The following LGR5 variants were observed in gnomAD, a reference collection of about 807,000 sequenced individuals.
The protein encoded by LGR5 is leucine-rich repeat-containing G protein-coupled receptor 5.
Under a neutral mutation model 76.7 loss-of-function variants are expected in LGR5, and 54 were observed. That is an observed-to-expected ratio of 0.70 (90% CI 0.57 to 0.88). LGR5 has a LOEUF of 0.88. LGR5 is among the 40% of genes least tolerant of loss of function. LGR5 has a pLI of 0.00. For synonymous variants in LGR5, 406 were observed against 421.9 expected, an observed-to-expected ratio of 0.96 and a Z score of 0.46; for missense variants, 1,078 against 1,073.3, an observed-to-expected ratio of 1.00 and a Z score of -0.06.
intron 8 of LGR5, 41 bp from the exon 9 acceptor site, chr12:71,566,363 T>C (rs1343726600): frequency 7.6e-7 from 1 of 1,319,942 alleles, no homozygotes; most frequent in Non-Finnish European, 1.1e-6. Flanking sequence ...ATCTTTCAAA[T>C]TTTATACTAA....
At chr12:71,573,633 G>GGTA (rs557077266) in intron 13 of LGR5, among the ~76,000 whole-genome samples, 15 of 152,082 alleles carry the variant, frequency 9.9e-5, no homozygotes, top group Non-Finnish European at 2.2e-4. Context: ...GGTGATGATA[G>GGTA]GTAATGTTTA....
chr12:71,485,459 G>A (rs1050901963), intron 1 of LGR5, among the ~76,000 whole-genome samples: 3 of 152,206 alleles, frequency 2.0e-5, no homozygotes, highest in Non-Finnish European at 2.9e-5. Context: ...GCTCATGCCT[G>A]TAATCCCAGG....
intron 1 of LGR5, among the ~76,000 whole-genome samples, chr12:71,476,612 C>T (rs961686729): frequency 9.2e-5 from 14 of 152,138 alleles, no homozygotes; most frequent in African/African-American, 3.4e-4. Flanking sequence ...TCGTTGATGG[C>T]ATCTTGACAC....
intron 16 of LGR5, among the ~76,000 whole-genome samples, chr12:71,581,357 A>C (rs143335776): frequency 6.6e-6 from 1 of 152,254 alleles, no homozygotes; most frequent in African/African-American, 2.4e-5. Context: ...CTCTCAAACC[A>C]CACCTGTGGT....
rs1877584253 is a variant in LGR5, at chr12:71,553,232, C to T, written c.588C>T (p.Asn196=). The T allele has an allele frequency of 1.2e-6, 2 of 1,613,850 alleles. No individual in the cohort carries two copies. Among genetic ancestry groups the T allele is most frequent in the African/African-American group, 1.3e-5 (1 of 74,866 alleles). The change falls in exon 5 of 18, where the codon AAC becomes AAT. Residue 196 remains asparagine, a synonymous_variant. Coordinates refer to ENST00000266674, the MANE Select transcript of LGR5 (RefSeq NM_003667.4). ...SALQAMTLAL[N]KIHHIPDYAF... is the part of the protein sequence containing the mutation. ...TGCAAGCCATGACCTTGGCCCTGAA[C>T]AAAATACACCACATACCAGACTATG...
chr12:71,474,012 A>G (rs551165657), intron 1 of LGR5, among the ~76,000 whole-genome samples: 1 of 152,230 alleles, frequency 6.6e-6, no homozygotes, highest in South Asian at 2.1e-4. Context: ...ATGCACTAAA[A>G]TCTCTTCAAA....
chr12:71,561,913 G>A, intron 8 of LGR5, 61 bp downstream of exon 8: 1 of 951,146 alleles, frequency 1.1e-6, no homozygotes. Context: ...ATTATACTTT[G>A]AAATACAATG....
intron 8 of LGR5, among the ~76,000 whole-genome samples, chr12:71,566,070 T>A (rs1187387556): frequency 6.6e-6 from 1 of 152,106 alleles, no homozygotes; most frequent in Non-Finnish European, 1.5e-5. Flanking sequence ...GAATTACCTT[T>A]TTGCCACTCA....
At chr12:71,558,398 G>T (rs1320159793) in intron 6 of LGR5, among the ~76,000 whole-genome samples, 1 of 151,866 alleles carries the variant, frequency 6.6e-6, no homozygotes, top group Non-Finnish European at 1.5e-5. Flanking sequence ...GAGTCTTATT[G>T]TCTCCCCTTC....
rs567797178 is a variant in LGR5, at chr12:71,525,694, A to G, written c.356+1217A>G. ...AATCAAGTATTTTAATTCACTTAAC[A>G]AAGTGTATATTGGATATATAAGCCA... is the stretch of plus-strand genomic sequence containing the variant. On this transcript the variant is annotated intron_variant, in intron 3 of 17. Coordinates refer to ENST00000266674, the MANE Select transcript of LGR5 (RefSeq NM_003667.4). Among the ~76,000 whole-genome samples the G allele has an allele frequency of 3.9e-5, 6 of 151,916 alleles. No individual in the cohort carries two copies. The South Asian group carries it at 1.2e-3, about 31-fold the overall frequency.
rs111572541 is a variant in LGR5, at chr12:71,504,610, C to G, written c.213-4C>G. ...CCTCACACGCTGTCTGTTTTCCCCC[C>G]CAGAGACCTCAGTATGAACAACATC... On this transcript the variant is annotated splice_region_variant and splice_polypyrimidine_tract_variant and intron_variant, in intron 1 of 17. Coordinates refer to ENST00000266674, the MANE Select transcript of LGR5 (RefSeq NM_003667.4). 296 of 1,613,724 alleles carry G rather than the reference C, an allele frequency of 1.8e-4. No homozygotes were observed. The highest frequency in any genetic ancestry group is 2.3e-4 in the Non-Finnish European group (268 of 1,179,678).
At chr12:71,538,286 G>C (rs1472742588) in intron 4 of LGR5, among the ~76,000 whole-genome samples, 2 of 152,176 alleles carry the variant, frequency 1.3e-5, no homozygotes, top group Non-Finnish European at 2.9e-5. Context: ...GCTGAAGTGG[G>C]AGGATCACTT....
intron 1 of LGR5, among the ~76,000 whole-genome samples, chr12:71,447,770 C>T (rs1872070668): frequency 1.3e-5 from 2 of 152,178 alleles, no homozygotes; most frequent in African/African-American, 4.8e-5. Flanking sequence ...AAGGGCCGAC[C>T]CTTTACAAGG....
At chr12:71,487,483 T>C (rs1317684658) in intron 1 of LGR5, among the ~76,000 whole-genome samples, 1 of 152,156 alleles carries the variant, frequency 6.6e-6, no homozygotes, top group Non-Finnish European at 1.5e-5. Context: ...GGCATAATCA[T>C]AGCTCACTGC....
intron 1 of LGR5, chr12:71,448,307 A>G (rs547580386): frequency 6.6e-6 from 1 of 152,352 alleles, no homozygotes; most frequent in East Asian, 1.9e-4. Context: ...CTTTAATCAA[A>G]AAAGCCACAA....
At chr12:71,439,487 C>G (rs1214995536), upstream of LGR5, among the ~76,000 whole-genome samples, 1 of 152,136 alleles carries the variant, frequency 6.6e-6, no homozygotes, top group Non-Finnish European at 1.5e-5. Flanking sequence ...AGGTCCCTCT[C>G]GACTCTTAGA....
intron 1 of LGR5, among the ~76,000 whole-genome samples, chr12:71,459,387 T>C (rs4641579): frequency 0.06 from 9,131 of 152,166 alleles, 954 homozygotes; most frequent in African/African-American, 0.21. Context: ...TGTACATTTT[T>C]CCTGCATTTG....
intron 1 of LGR5, among the ~76,000 whole-genome samples, chr12:71,450,165 C>T (rs919868951): frequency 1.3e-5 from 2 of 152,190 alleles, no homozygotes; most frequent in African/African-American, 4.8e-5. Flanking sequence ...CTGAAAACCC[C>T]AGCCCAGTAC....
At chr12:71,442,351 A>G (rs1871805666) in intron 1 of LGR5, among the ~76,000 whole-genome samples, 1 of 152,158 alleles carries the variant, frequency 6.6e-6, no homozygotes, top group South Asian at 2.1e-4. Flanking sequence ...AGATAGAACA[A>G]TCTATCTATC....
Sources: gnomAD v4.1 joint callset for allele counts (sites outside exome capture counted in the v4.1 genomes callset) on GRCh38, gnomAD v4.1.1 for gene constraint, MANE v1.5 for transcripts, NCBI Gene and HGNC (gene_info 2026-07-23, HGNC 2026-07-21) for gene names.